GPC6: variants seen among roughly 807,000 people sequenced by gnomAD.
GPC6 encodes glypican 6.
In GPC6, 14 loss-of-function variants were observed where a neutral mutation model predicts 55.2. That is an observed-to-expected ratio of 0.25 (90% confidence interval 0.17 to 0.40). The LOEUF (loss-of-function observed/expected upper bound fraction) is 0.40, where lower values mean the gene tolerates loss of function less well. Among genes scored for constraint, GPC6 ranks in the 10% least tolerant of loss-of-function variants. The pLI, the probability that GPC6 is intolerant of heterozygous loss-of-function variation, is 1.00. For synonymous variants in GPC6, 278 were observed against 259.6 expected (o/e 1.07, Z -0.68); for missense variants, 641 against 708.5 (o/e 0.90, Z 1.08).
At chr13:94,208,588 A>C (rs567942783) in intron 4 of GPC6, among the ~76,000 whole-genome samples, 7 of 152,140 alleles carry the variant, frequency 4.6e-5, no homozygotes, top group African/African-American at 1.7e-4. Context: ...TTTAGAAACC[A>C]AAGTGCAGGG....
At chr13:93,822,013 T>C (rs899964294) in intron 2 of GPC6, among the ~76,000 whole-genome samples, 1 of 84,204 alleles carries the variant, frequency 1.2e-5, no homozygotes, top group Non-Finnish European at 2.3e-5. Flanking sequence ...GTTATATGTA[T>C]ATACATATAT....
At chr13:93,943,364 C>G (rs1197068399) in intron 3 of GPC6, among the ~76,000 whole-genome samples, 1 of 152,042 alleles carries the variant, frequency 6.6e-6, no homozygotes, top group East Asian at 1.9e-4. Flanking sequence ...GATGCGTACC[C>G]AAGAAAAGAC....
chr13:93,810,500 T>C, intron 2 of GPC6, among the ~76,000 whole-genome samples: 1 of 152,196 alleles, frequency 6.6e-6, no homozygotes, highest in East Asian at 1.9e-4. Context: ...ATTGACCATA[T>C]GGCTGCTTTG....
chr13:94,081,589 A>C (rs1885096171), intron 4 of GPC6, among the ~76,000 whole-genome samples: 1 of 152,188 alleles, frequency 6.6e-6, no homozygotes, highest in African/African-American at 2.4e-5. Context: ...GTGGCACCTC[A>C]TTGCAAGCAG....
At chr13:93,902,701 G>A (rs765114479) in intron 3 of GPC6, among the ~76,000 whole-genome samples, 4 of 152,248 alleles carry the variant, frequency 2.6e-5, no homozygotes, top group Non-Finnish European at 2.9e-5. Flanking sequence ...ATCTCCACCA[G>A]CACTTGTTAA....
At chr13:93,234,577 G>A (rs1207921862) in intron 1 of GPC6, among the ~76,000 whole-genome samples, 1 of 152,078 alleles carries the variant, frequency 6.6e-6, no homozygotes, top group East Asian at 1.9e-4. Context: ...AAATAGGAAG[G>A]ATTCAAGAAA....
rs981652610 is a variant in GPC6 at position 93,880,326 on chromosome 13, T to C, written c.711+49781T>C. Among the ~76,000 whole-genome samples, 3 of 151,986 alleles carry C rather than the reference T, an allele frequency of 2.0e-5. No homozygotes were observed. In the South Asian group the frequency reaches 6.2e-4, roughly 32 times the overall value. On this transcript the variant is annotated intron_variant, in intron 3 of 8. Coordinates refer to ENST00000377047, the MANE Select transcript of GPC6 (RefSeq NM_005708.5). ...ACTTGGAACCAACTCAAATGTCCAATAATGATAGACTGGATTAAGAAAATG... is the reference window on the plus strand; with the variant it reads ...ACTTGGAACCAACTCAAATGTCCAACAATGATAGACTGGATTAAGAAAATG...
At chr13:93,993,977 A>T (rs1881426321) in intron 3 of GPC6, among the ~76,000 whole-genome samples, 1 of 152,200 alleles carries the variant, frequency 6.6e-6, no homozygotes, top group African/African-American at 2.4e-5. Context: ...TGTTTCCCAG[A>T]TATCAAATGA....
chr13:93,365,147 G>C (rs758606772), intron 1 of GPC6, among the ~76,000 whole-genome samples: 11 of 152,030 alleles, frequency 7.2e-5, no homozygotes, highest in African/African-American at 2.7e-4. Context: ...TGTTTGACTG[G>C]CTGATGCGTT....
At chr13:93,983,222 G>T (rs1162257839) in intron 3 of GPC6, among the ~76,000 whole-genome samples, 1 of 152,144 alleles carries the variant, frequency 6.6e-6, no homozygotes, top group Non-Finnish European at 1.5e-5. Context: ...GTTAATCATA[G>T]TAAATGCAAA....
At chr13:94,337,668 G>C (rs1877787954) in intron 6 of GPC6, among the ~76,000 whole-genome samples, 1 of 152,080 alleles carries the variant, frequency 6.6e-6, no homozygotes, top group South Asian at 2.1e-4. Context: ...GGCTGGTCTT[G>C]ATCTCCCGAC....
chr13:94,020,994 C>A (rs935937904), intron 3 of GPC6, among the ~76,000 whole-genome samples: 1 of 151,906 alleles, frequency 6.6e-6, no homozygotes, highest in Non-Finnish European at 1.5e-5. Context: ...ATCAAAAGAT[C>A]ATAATCACAA....
At chr13:94,254,590 T>C (rs975842049) in intron 4 of GPC6, among the ~76,000 whole-genome samples, 2 of 152,124 alleles carry the variant, frequency 1.3e-5, no homozygotes, top group African/African-American at 2.4e-5. Context: ...ATTGATGTCA[T>C]TGATCACTTT....
intron 6 of GPC6, among the ~76,000 whole-genome samples, chr13:94,354,707 G>A (rs773245722): frequency 9.2e-5 from 14 of 152,242 alleles, no homozygotes; most frequent in Non-Finnish European, 2.1e-4. Flanking sequence ...AATGCAGACA[G>A]CAAGATGAAT....
chr13:94,102,567 A>G (rs750564266), intron 4 of GPC6, among the ~76,000 whole-genome samples: 9 of 151,542 alleles, frequency 5.9e-5, no homozygotes, highest in Admixed American at 2.0e-4. Flanking sequence ...TAAGCCAGTG[A>G]TGAGTTCCTG....
At chr13:93,645,296 A>G (rs1193289178) in intron 2 of GPC6, among the ~76,000 whole-genome samples, 2 of 151,694 alleles carry the variant, frequency 1.3e-5, no homozygotes, top group Admixed American at 6.6e-5. Flanking sequence ...AATGTTTTAA[A>G]TAGACATAAA....
intron 2 of GPC6, among the ~76,000 whole-genome samples, chr13:93,684,326 C>T (rs551286707): frequency 7.0e-4 from 106 of 152,172 alleles, no homozygotes; most frequent in African/African-American, 2.5e-3. Context: ...GCTGGGACTA[C>T]AGGTGCCCAC....
intron 4 of GPC6, among the ~76,000 whole-genome samples, chr13:94,105,159 A>G (rs1263751353): frequency 6.6e-6 from 1 of 152,150 alleles, no homozygotes; most frequent in African/African-American, 2.4e-5. Context: ...GTTCAAGACC[A>G]GCCTAGGCAA....
intron 3 of GPC6, among the ~76,000 whole-genome samples, chr13:93,890,847 T>A (rs937347084): frequency 3.3e-5 from 5 of 151,846 alleles, no homozygotes; most frequent in Admixed American, 2.6e-4. Context: ...ACTCAATTTC[T>A]TGAGTGCTAA....
Sources: gnomAD v4.1 joint callset for allele counts (sites outside exome capture counted in the v4.1 genomes callset) on GRCh38, gnomAD v4.1.1 for gene constraint, MANE v1.5 for transcripts, NCBI Gene and HGNC (gene_info 2026-07-23, HGNC 2026-07-21) for gene names.